Variants in ADAR observed in about 807,000 individuals in gnomAD.
The protein encoded by ADAR is double-stranded RNA-specific adenosine deaminase.
A neutral mutation model predicts 113.2 loss-of-function variants in ADAR; 41 were observed. That is an observed-to-expected ratio of 0.36 (90% CI 0.28 to 0.47). ADAR has a LOEUF of 0.47. Among genes scored for constraint, ADAR ranks in the 20% least tolerant of loss-of-function variants. ADAR has a pLI of 1.00. For synonymous variants in ADAR, 605 were observed against 572.6 expected, an observed-to-expected ratio of 1.06 and a Z score of -0.81; for missense variants, 1,242 against 1,540.9, an observed-to-expected ratio of 0.81 and a Z score of 3.25.
intron 6 of ADAR, among the ~76,000 whole-genome samples, chr1:154,591,874 G>C (rs1697172666): frequency 6.6e-6 from 1 of 152,200 alleles, no homozygotes; most frequent in Non-Finnish European, 1.5e-5. Context: ...GTGGGCTTAA[G>C]TTCAGAATGA....
chr1:154,588,551 CT>C lies in ADAR; in HGVS notation c.2884del (p.Ser962AlafsTer92). ...TGGCAGCAACAGGAACTGTACAGAC[CT>C]GATATACAGATGGAATGACACAGTC... ...KKTVSFHLYISTAPCGDGALF... is the reference protein window; with the variant it reads ...KKTVSFHLYIXTAPCGDGALF... On this transcript the variant is annotated frameshift_variant and splice_region_variant, in exon 10 of 15. Coordinates refer to ENST00000368474, the MANE Select transcript of ADAR (RefSeq NM_001111.5). LOFTEE classifies it high-confidence loss of function. The C allele has an allele frequency of 6.2e-7, 1 of 1,613,978 alleles. No homozygotes were observed. Among genetic ancestry groups the C allele is most frequent in the Non-Finnish European group, 8.5e-7 (1 of 1,180,038 alleles).
rs764484488 is a variant in ADAR, at chr1:154,590,240, T to C, written c.2440A>G (p.Ser814Gly). The stretch of plus-strand genomic sequence containing the variant: ...AGGAGGAGCATAGTTCTTCTGAGAC[T>C]GGCCCCTGTCACTGGGGTTACCTCT... ...FTEVTPVTGA[S>G]LRRTMLLLSR... Residue 814 changes from serine (S) to glycine (G), a missense_variant, in exon 7 of 15, where the codon AGT becomes GGT. Physicochemically the swap from Ser to Gly is moderately conservative, Grantham distance 56 (BLOSUM62 0). This residue lies in a region of ADAR where 780 missense variants were observed against 1,057.9 expected (regional missense o/e 0.74). Coordinates refer to ENST00000368474, the MANE Select transcript of ADAR (RefSeq NM_001111.5). 3.1e-6 allele frequency: 5 copies of C among 1,604,932 alleles called. No individual in the cohort carries two copies. The East Asian group carries it at 9.1e-5, about 29-fold the overall frequency.
chr1:154,625,939 G>A (rs1367634072), intron 1 of ADAR, among the ~76,000 whole-genome samples: 1 of 143,894 alleles, frequency 6.9e-6, no homozygotes, highest in Non-Finnish European at 1.5e-5. Flanking sequence ...GGGAGGTAGA[G>A]TTTGCAGTGA....
Position 154,601,704 on chromosome 1 carries a change from G to T in ADAR, c.938C>A (p.Ser313Tyr). ...ATTTTTAGCCAAATTCAGGGCAGAGGAGTCAGACACATTGAAGAGATAGTC... is the reference window on the plus strand; with the variant it reads ...ATTTTTAGCCAAATTCAGGGCAGAGTAGTCAGACACATTGAAGAGATAGTC... Reference protein sequence around the residue: ...ICDYLFNVSDSSALNLAKNIG... With the variant: ...ICDYLFNVSDYSALNLAKNIG... Residue 313 changes from serine to tyrosine, a missense_variant, in exon 2 of 15, where the codon TCC becomes TAC. Physicochemically the swap from Ser to Tyr is moderately radical, Grantham distance 144. Around this residue, in one of 2 missense-constraint regions of ADAR, gnomAD observed 462 missense variants for 483.1 expected, o/e 0.96. Transcript: ENST00000368474. This position sits in a 1 kb window ranked among gnomAD's most constrained non-coding sequence, Gnocchi z 4.7. 1 of 1,614,210 alleles carries T rather than the reference G, an allele frequency of 6.2e-7. No homozygotes were observed. The highest frequency in any genetic ancestry group is 2.2e-5 in the East Asian group (1 of 44,896).
In ADAR at chr1:154,589,905, G is replaced by A. The variant is rs1292765714; in HGVS notation, c.2520C>T (p.Phe840=). The A allele has an allele frequency of 3.1e-6, 5 of 1,613,962 alleles. No homozygotes were observed. Among genetic ancestry groups the A allele is most frequent in the South Asian group, 1.1e-5 (1 of 91,086 alleles). The change falls in exon 8 of 15, where the codon TTC becomes TTT. Residue 840 remains phenylalanine, a synonymous_variant. Transcript: ENST00000368474. ...GGCTCAGCATGGCTATCTGGTCATG[G>A]AAGGTGCTGCCAGTGAGAGGGAGCT... ...PKTLPLTGST[F]HDQIAMLSHR...
chr1:154,600,702 G>A (rs1233419579), intron 2 of ADAR: 2 of 352,468 alleles, frequency 5.7e-6, no homozygotes, highest in Non-Finnish European at 1.1e-5. Context: ...TCAAACTCCT[G>A]ACCTCGTGAT....
chr1:154,592,293 C>G (rs1697198402), intron 6 of ADAR, among the ~76,000 whole-genome samples: 2 of 152,188 alleles, frequency 1.3e-5, no homozygotes, highest in Admixed American at 1.3e-4. Context: ...CCTCTCCTTC[C>G]TAAGTCAAAC....
intron 1 of ADAR, among the ~76,000 whole-genome samples, chr1:154,613,658 A>G (rs1698551678): frequency 1.3e-5 from 2 of 152,132 alleles, no homozygotes; most frequent in African/African-American, 2.4e-5. Context: ...TAATCCCAGC[A>G]CTTTGGGACA....
Position 154,597,103 on chromosome 1 carries a change from T to A in ADAR, c.2079+20A>T. ...GTTGCTAAAAATGACCTGTATCTTT[T>A]GAGTAGGAAAACGCCCTACCTGGTT... is the stretch of plus-strand genomic sequence containing the variant. On this transcript the variant is annotated intron_variant, in intron 5 of 14. Transcript: ENST00000368474. 4.3e-6 allele frequency: 7 copies of A among 1,614,158 alleles called. No individual in the cohort carries two copies. The highest frequency in any genetic ancestry group is 5.9e-6 in the Non-Finnish European group (7 of 1,180,022).
chr1:154,610,808 C>CAAAAAAAAAAAA (rs1369386387), upstream of ADAR, among the ~76,000 whole-genome samples: 114 of 40,528 alleles, frequency 2.8e-3, 7 homozygotes, highest in Middle Eastern at 0.024. Flanking sequence ...GACACCGTCT[C>CAAAAAAAAAAAA]AAAAAAAAAA....
At chr1:154,598,224 C>G (rs1031459675) in intron 3 of ADAR, among the ~76,000 whole-genome samples, 178 bp downstream of exon 3, 1 of 152,014 alleles carries the variant, frequency 6.6e-6, no homozygotes, top group Non-Finnish European at 1.5e-5. Context: ...CAGGAGCAGA[C>G]AGAGGAGCTG....
At chr1:154,589,258 C>A in intron 9 of ADAR, 111 bp downstream of exon 9, 1 of 856,752 alleles carries the variant, frequency 1.2e-6, no homozygotes, top group Non-Finnish European at 2.0e-6. Context: ...ACTGCCACAT[C>A]ATGACCCGTC....
In ADAR at chr1:154,589,812, G is replaced by C. The variant is rs1697008373; in HGVS notation, c.2613C>G (p.Ala871=). 4 of 1,613,950 alleles carry C rather than the reference G, an allele frequency of 2.5e-6. No homozygotes were observed. Among genetic ancestry groups the C allele is most frequent in the Non-Finnish European group, 3.4e-6 (4 of 1,180,026 alleles). ...CCTCAGAGTCTTTTTTCATAATGAT[G>C]GCGGCCAGAATCTTGCGGCCGAGCA... is the stretch of plus-strand genomic sequence containing the variant. ...PSLLGRKILA[A]IIMKKDSEDM... Residue 871 remains alanine (A), a synonymous_variant, in exon 8 of 15, where the codon GCC becomes GCG. Transcript: ENST00000368474.
intron 6 of ADAR, among the ~76,000 whole-genome samples, chr1:154,592,561 A>G (rs1301764884): frequency 1.3e-5 from 2 of 152,208 alleles, no homozygotes; most frequent in Admixed American, 6.5e-5. Flanking sequence ...GATTTGGGAT[A>G]GAAATTCTAA....
intron 4 of ADAR, 126 bp downstream of exon 4, chr1:154,597,702 C>T (rs1374781403): frequency 2.3e-6 from 3 of 1,323,074 alleles, no homozygotes; most frequent in Admixed American, 1.8e-5. Flanking sequence ...CCTCAGAGCC[C>T]TCCTTTCCCC....
chr1:154,602,350 G>A lies in ADAR; in HGVS notation c.292C>T (p.His98Tyr), dbSNP rs1193378261. 1.2e-6 allele frequency: 2 copies of A among 1,608,206 alleles called. No individual in the cohort carries two copies. The highest frequency in any genetic ancestry group is 1.7e-6 in the Non-Finnish European group (2 of 1,176,962). Residue 98 changes from histidine to tyrosine, a missense_variant, in exon 2 of 15, where the codon CAT becomes TAT. His to Tyr is a moderately conservative substitution (Grantham distance 83). Coordinates refer to ENST00000368474, the MANE Select transcript of ADAR (RefSeq NM_001111.5). ...CTCTGGAGCCCCTGACTTCTGAGAT[G>A]CACGCCCCTGGGGACACCCCTGATG... ...VDIRGVPRGV[H>Y]LRSQGLQRGF...
chr1:154,587,936 A>G lies in ADAR; in HGVS notation c.3019+189T>C, dbSNP rs578262830. Among the ~76,000 whole-genome samples the G allele has an allele frequency of 4.6e-5, 7 of 152,260 alleles. No individual in the cohort carries two copies. In the South Asian group the frequency reaches 1.2e-3, roughly 27 times the overall value. On this transcript the variant is annotated intron_variant, in intron 11 of 14. Transcript: ENST00000368474. ...ACTTGGGGATCTCCCAGATCTCCCAAACTAACACATTCAAAATAGAACCCT... is the reference window on the plus strand; with the variant it reads ...ACTTGGGGATCTCCCAGATCTCCCAGACTAACACATTCAAAATAGAACCCT...
intron 1 of ADAR, among the ~76,000 whole-genome samples, chr1:154,627,358 A>C (rs1226414258): frequency 2.6e-5 from 4 of 152,202 alleles, no homozygotes; most frequent in Non-Finnish European, 5.9e-5. Flanking sequence ...AAGGCACGCC[A>C]GGGCGGCGAT....
At chr1:154,608,492 CTTTTTTTTT>C (rs67463447), upstream of ADAR, among the ~76,000 whole-genome samples, 3 of 65,770 alleles carry the variant, frequency 4.6e-5, no homozygotes, top group East Asian at 1.2e-3. Flanking sequence ...TCACTCCTGG[CTTTTTTTTT>C]TTTTTTTTTT....
Sources: allele counts gnomAD v4.1 joint callset (sites outside exome capture counted in the v4.1 genomes callset), GRCh38; gene constraint gnomAD v4.1.1; regional missense constraint gnomAD v4.1.1; non-coding constraint Gnocchi (gnomAD v3.1); transcripts MANE v1.5; gene names NCBI Gene and HGNC (gene_info 2026-07-23, HGNC 2026-07-21).